F5: variants seen among roughly 807,000 people sequenced by gnomAD.
The protein encoded by F5 is coagulation factor V.
A neutral mutation model predicts 216.4 loss-of-function variants in F5; 138 were observed. That is an observed-to-expected ratio of 0.64 (90% CI 0.56 to 0.73). The LOEUF is 0.73. Among genes scored for constraint, F5 ranks in the 30% least tolerant of loss-of-function variants. The pLI is 0.00. For missense variants in F5, 2,403 were observed against 2,674.0 expected, an observed-to-expected ratio of 0.90 and a Z score of 2.24; for synonymous variants, 916 against 930.7, an observed-to-expected ratio of 0.98 and a Z score of 0.29.
intron 13 of F5, 33 bp from the exon 14 acceptor site, chr1:169,536,713 A>G: frequency 1.3e-6 from 2 of 1,557,946 alleles, no homozygotes; most frequent in Non-Finnish European, 1.8e-6. Flanking sequence ...GTAAAAGAAG[A>G]AATTAAAGAC....
At chr1:169,570,342 T>C (rs1392433595) in intron 3 of F5, among the ~76,000 whole-genome samples, 1 of 152,166 alleles carries the variant, frequency 6.6e-6, no homozygotes, top group African/African-American at 2.4e-5. Context: ...GAAACCTGCA[T>C]GTGACATTTT....
rs115080675 is a variant in F5, at chr1:169,571,574, T to C, written c.373+647A>G. 2.5e-3 allele frequency among the ~76,000 whole-genome samples: 379 copies of C among 152,276 alleles called. 1 individual carries two copies. The highest frequency in any genetic ancestry group is 8.8e-3 in the African/African-American group (366 of 41,568). ...TCTCACCACCACCAAATACCACTTA[T>C]TGAGTGTCATCTATGTGCCAGGAAG... On this transcript the variant is annotated intron_variant, in intron 3 of 24. Transcript: ENST00000367797.
chr1:169,543,926 G>A (rs902391293), intron 12 of F5, among the ~76,000 whole-genome samples: 17 of 152,148 alleles, frequency 1.1e-4, no homozygotes, highest in African/African-American at 3.9e-4. Context: ...CAGCCTTTAA[G>A]GCACTGTACC....
chr1:169,548,873 GAAAA>G (rs375498661), intron 10 of F5, among the ~76,000 whole-genome samples: 3 of 104,586 alleles, frequency 2.9e-5, no homozygotes, highest in African/African-American at 1.2e-4. Context: ...TGTCTCAAAA[GAAAA>G]AAAAAAAAAA....
In F5 at chr1:169,541,771, C is replaced by G. The variant is rs750137716; in HGVS notation, c.3319G>C (p.Asp1107His). The change falls in exon 13 of 25, where the codon GAC (aspartate) becomes CAC (histidine). Residue 1107 changes from aspartate to histidine, a missense_variant. Physicochemically the swap from Asp to His is moderately conservative, Grantham distance 81. This residue lies in a region of F5 where 1,425 missense variants were observed against 1,554.8 expected (regional missense o/e 0.92). Transcript: ENST00000367797. Reference protein sequence around the residue: ...LPDHNQNSSNDTGQASCPPGL... With the variant: ...LPDHNQNSSNHTGQASCPPGL... ...GGAGGACAGCTTGCCTGACCAGTGT[C>G]ATTTGAGGAATTCTGATTATGGTCA... is the stretch of plus-strand genomic sequence containing the variant. 21 of 1,613,856 alleles carry G rather than the reference C, an allele frequency of 1.3e-5. No homozygotes were observed. In the South Asian group the frequency reaches 1.9e-4, roughly 14 times the overall value.
At position 169,541,514 on chromosome 1, in the gene F5, C is replaced by T. The variant is rs1165066678; in HGVS notation, c.3576G>A (p.Gln1192=). 1.2e-6 allele frequency: 2 copies of T among 1,613,400 alleles called. No individual in the cohort carries two copies. Among genetic ancestry groups the T allele is most frequent in the African/African-American group, 1.3e-5 (1 of 74,672 alleles). ...WQTVISPDLS[Q]VTLSPELSQT... is the part of the protein sequence containing the mutation. Reference sequence around the variant, plus strand: ...GGCTGAGTTCTGGAGAGAGGGTCACCTGGCTGAGGTCTGGAGAGATGACTG... The same window carrying T: ...GGCTGAGTTCTGGAGAGAGGGTCACTTGGCTGAGGTCTGGAGAGATGACTG... The change falls in exon 13 of 25, where the codon CAG becomes CAA. Residue 1192 remains glutamine (Q), a synonymous_variant. Transcript: ENST00000367797.
chr1:169,568,136 T>A (rs1660651064), intron 3 of F5, among the ~76,000 whole-genome samples: 1 of 152,116 alleles, frequency 6.6e-6, no homozygotes, highest in African/African-American at 2.4e-5. Flanking sequence ...TTAATGTCTG[T>A]CTAATTGATC....
chr1:169,556,947 A>G, intron 5 of F5, 80 bp from the exon 6 acceptor site: 1 of 1,222,204 alleles, frequency 8.2e-7, no homozygotes, highest in Non-Finnish European at 1.2e-6. Context: ...CACCAAGTGT[A>G]TTGAGCACCT....
At chr1:169,555,496 T>A in intron 6 of F5, 149 bp from the exon 7 acceptor site, 1 of 906,968 alleles carries the variant, frequency 1.1e-6, no homozygotes, top group Non-Finnish European at 1.7e-6. Context: ...ACATTTTAGT[T>A]TGGAACTCTT....
At chr1:169,548,987 G>A (rs1660091360) in intron 10 of F5, among the ~76,000 whole-genome samples, 2 of 152,100 alleles carry the variant, frequency 1.3e-5, no homozygotes. Context: ...GACTGAATAT[G>A]CTCTGAATAA....
rs368295218 is a variant in F5 at position 169,541,388 on chromosome 1, G to A, written c.3702C>T (p.Asp1234=). The A allele has an allele frequency of 7.6e-5, 122 of 1,612,062 alleles. No homozygotes were observed. The highest frequency in any genetic ancestry group is 1.0e-4 in the Non-Finnish European group (119 of 1,179,274). The change falls in exon 13 of 25, where the codon GAC becomes GAT. Residue 1234 remains aspartate, a synonymous_variant. Transcript: ENST00000367797. The stretch of plus-strand genomic sequence containing the variant: ...CTGGAGAAAGGGTTGTATGGCTGAG[G>A]TCTGGAGAAATGGGCATCTGACCGA... ...PALGQMPISP[D]LSHTTLSPDL...
Position 169,551,497 on chromosome 1 carries a change from C to G in F5, c.1297-758G>C, listed in dbSNP as rs548968772. ...AGAGGCACAGACAAATAGCCAGATC[C>G]TGAACTTTTAATAAGGTATGTCTAC... is the stretch of plus-strand genomic sequence containing the variant. On this transcript the variant is annotated intron_variant, in intron 8 of 24. Coordinates refer to ENST00000367797, the MANE Select transcript of F5 (RefSeq NM_000130.5). Among the ~76,000 whole-genome samples, 23 of 152,186 alleles carry G rather than the reference C, an allele frequency of 1.5e-4. 1 individual carries two copies. Among genetic ancestry groups the G allele is most frequent in the African/African-American group, 4.8e-4 (20 of 41,526 alleles).
At chr1:169,521,143 C>T (rs1240693878) in intron 21 of F5, among the ~76,000 whole-genome samples, 1 of 152,168 alleles carries the variant, frequency 6.6e-6, no homozygotes, top group Non-Finnish European at 1.5e-5. Context: ...AACTGGTGGA[C>T]ACTGACTTCT....
chr1:169,543,083 A>G lies in F5; in HGVS notation c.2007T>C (p.Ser669=). The G allele has an allele frequency of 6.2e-7, 1 of 1,613,878 alleles. No individual in the cohort carries two copies. The highest frequency in any genetic ancestry group is 8.5e-7 in the Non-Finnish European group (1 of 1,179,912). ...TCAGCCTCAGCTTTTTGCTTCTTGG[A>G]CTAGAATTCATGGAAGTTAACATCC... The part of the protein sequence containing the change: ...GTWMLTSMNS[S]PRSKKLRLKF... Residue 669 remains serine, a synonymous_variant, in exon 13 of 25, where the codon AGT becomes AGC. Coordinates refer to ENST00000367797, the MANE Select transcript of F5 (RefSeq NM_000130.5).
Position 169,514,242 on chromosome 1 carries a change from A to T in F5, c.*71T>A. 6.8e-7 allele frequency: 1 copy of T among 1,466,820 alleles called. No homozygotes were observed. Among genetic ancestry groups the T allele is most frequent in the Non-Finnish European group, 9.6e-7 (1 of 1,046,968 alleles). 90.9% of individuals were successfully genotyped at this position (1,466,820 alleles called of 1,614,324 possible). A position where few individuals can be genotyped will look rare whatever the true frequency, so the allele number is the denominator to read the frequency against. ...AACTGTTAACATTTAACACAGCGTA[A>T]AATACATTGCCCATTCTAAATGGTT... On this transcript the variant is annotated 3_prime_UTR_variant, in exon 25 of 25. Coordinates refer to ENST00000367797, the MANE Select transcript of F5 (RefSeq NM_000130.5).
At chr1:169,559,345 T>C in intron 4 of F5, 49 bp from the exon 5 acceptor site, 1 of 1,596,730 alleles carries the variant, frequency 6.3e-7, no homozygotes, top group Admixed American at 1.7e-5. Context: ...TAGAAGACGC[T>C]CATTAGCTTT....
chr1:169,571,612 T>C (rs1660724069), intron 3 of F5, among the ~76,000 whole-genome samples: 2 of 152,192 alleles, frequency 1.3e-5, no homozygotes, highest in South Asian at 4.1e-4. Context: ...TATATCAGGC[T>C]AGTTCTATGT....
At chr1:169,515,917 T>C (rs1659145851) in intron 23 of F5, among the ~76,000 whole-genome samples, 1 of 152,148 alleles carries the variant, frequency 6.6e-6, no homozygotes, top group Non-Finnish European at 1.5e-5. Context: ...CTCACCACAA[T>C]GTTAAGACAC....
chr1:169,570,425 A>G (rs183859416), intron 3 of F5, among the ~76,000 whole-genome samples: 1 of 152,248 alleles, frequency 6.6e-6, no homozygotes, highest in Admixed American at 6.5e-5. Context: ...AAGCCTCATA[A>G]GTAGGTGAAG....
Sources: allele counts gnomAD v4.1 joint callset (sites outside exome capture counted in the v4.1 genomes callset), GRCh38; gene constraint gnomAD v4.1.1; regional missense constraint gnomAD v4.1.1; transcripts MANE v1.5; gene names NCBI Gene and HGNC (gene_info 2026-07-23, HGNC 2026-07-21).